Variants in BCAR3 observed in about 807,000 individuals in gnomAD.
BCAR3 encodes BCAR3 adaptor protein, NSP family member.
Under a neutral mutation model 80.1 loss-of-function variants are expected in BCAR3, and 37 were observed. The observed-to-expected ratio is 0.46, with a 90% confidence interval of 0.36 to 0.61. The LOEUF is 0.61. Ranked by LOEUF, BCAR3 falls within the 20% of genes least tolerant of loss-of-function variation. BCAR3 has a pLI of 0.00. For missense variants in BCAR3, 978 were observed against 1,068.2 expected (o/e 0.92, Z 1.18); for synonymous variants, 389 against 418.9 (o/e 0.93, Z 0.87).
rs570280634 is a variant in BCAR3 at position 93,805,972 on chromosome 1, CAAT to C, written c.-63+39592_-63+39594del. Among the ~76,000 whole-genome samples the C allele has an allele frequency of 1.2e-3, 182 of 151,494 alleles. 1 individual carries two copies. Among genetic ancestry groups the C allele is most frequent in the African/African-American group, 4.1e-3 (169 of 41,272 alleles). On this transcript the variant is annotated intron_variant, in intron 2 of 13. Coordinates refer to the BCAR3 transcript ENST00000370244. ...ATTAAAAATATGGTTTCCAAAATAA[CAAT>C]AATAAGGTTAAATAATGAAATTGAA... is the stretch of plus-strand genomic sequence containing the variant.
chr1:93,640,173 T>C (rs1219828138), intron 3 of BCAR3, among the ~76,000 whole-genome samples: 3 of 152,260 alleles, frequency 2.0e-5, no homozygotes, highest in African/African-American at 4.8e-5. Context: ...CCAGCTGGCA[T>C]CAACTTATGA....
In BCAR3 at chr1:93,582,325, C is replaced by A; in HGVS notation, c.1662G>T (p.Gln554His). The A allele has an allele frequency of 3.1e-6, 5 of 1,614,098 alleles. No homozygotes were observed. The highest frequency in any genetic ancestry group is 1.1e-5 in the South Asian group (1 of 91,068). Residue 554 changes from glutamine (Q) to histidine (H), a missense_variant, in exon 7 of 12, where the codon CAG becomes CAT. Transcript: ENST00000260502. ...CCCTGCAGTCCATGCTCAGTACGTG[C>A]TGGGCGATGACCTTGGGGTCGTTGT... ...FTNNDPKVIA[Q>H]HVLSMDCRVA... is the part of the protein sequence containing the mutation.
At chr1:93,751,649 A>T (rs1651561107) in intron 2 of BCAR3, among the ~76,000 whole-genome samples, 1 of 152,160 alleles carries the variant, frequency 6.6e-6, no homozygotes, top group African/African-American at 2.4e-5. Flanking sequence ...TAATTCACAG[A>T]GCAACTCATT....
At chr1:93,567,944 T>G (rs1358447492) in intron 9 of BCAR3, 93 bp from the exon 10 acceptor site, 1 of 1,024,770 alleles carries the variant, frequency 9.8e-7, no homozygotes, top group African/African-American at 1.6e-5. Flanking sequence ...GCCAGCACTT[T>G]GGGAGGCTGA....
intron 6 of BCAR3, among the ~76,000 whole-genome samples, chr1:93,583,407 G>A (rs1673808849): frequency 6.6e-6 from 1 of 152,106 alleles, no homozygotes; most frequent in African/African-American, 2.4e-5. Context: ...GAGACACTGG[G>A]GTAACCTACA....
chr1:93,807,576 C>G (rs1006936051), intron 2 of BCAR3, among the ~76,000 whole-genome samples: 1 of 152,152 alleles, frequency 6.6e-6, no homozygotes, highest in Non-Finnish European at 1.5e-5. Context: ...AGTCCCCCAG[C>G]TAATCTCTCC....
chr1:93,787,156 G>C (rs925072289), intron 2 of BCAR3, among the ~76,000 whole-genome samples: 19 of 152,172 alleles, frequency 1.2e-4, no homozygotes, highest in African/African-American at 4.6e-4. Context: ...TCCGTGTCTT[G>C]TCAGGGGAGG....
In BCAR3 at chr1:93,674,721, C is replaced by T. The variant is rs1648384780; in HGVS notation, c.210G>A (p.Met70Ile). The part of the protein sequence containing the change: ...PIRSCDDFSH[M>I]GTLPHSKSPR... ...GGGATTTGGAGTGGGGGAGGGTGCC[C>T]ATGTGACTGAAGTCATCACAGGACC... is the stretch of plus-strand genomic sequence containing the variant. Residue 70 changes from methionine to isoleucine, a missense_variant, in exon 2 of 12, where the codon ATG (methionine) becomes ATA (isoleucine). Coordinates refer to ENST00000260502, the MANE Select transcript of BCAR3 (RefSeq NM_003567.4). 6.2e-7 allele frequency: 1 copy of T among 1,613,868 alleles called. No homozygotes were observed. Among genetic ancestry groups the T allele is most frequent in the Admixed American group, 1.7e-5 (1 of 59,968 alleles).
intron 3 of BCAR3, among the ~76,000 whole-genome samples, chr1:93,602,982 C>T (rs1365697277): frequency 1.3e-5 from 2 of 152,136 alleles, no homozygotes; most frequent in South Asian, 2.1e-4. Context: ...GGTTTTGTGG[C>T]TTACTTAAAA....
At chr1:93,693,919 GC>G (rs1557656793) in intron 3 of BCAR3, among the ~76,000 whole-genome samples, 2 of 152,212 alleles carry the variant, frequency 1.3e-5, no homozygotes, top group Non-Finnish European at 2.9e-5. Context: ...TCTTGCTTGA[GC>G]CCCTGAGCAC....
At chr1:93,605,365 T>C (rs950637954) in intron 3 of BCAR3, 1 of 152,246 alleles carries the variant, frequency 6.6e-6, no homozygotes, top group African/African-American at 2.4e-5. Flanking sequence ...TTTAACCATG[T>C]CCTCGAGCGA....
chr1:93,699,296 C>T (rs575239868), intron 3 of BCAR3, among the ~76,000 whole-genome samples: 1 of 152,226 alleles, frequency 6.6e-6, no homozygotes, highest in African/African-American at 2.4e-5. Flanking sequence ...GAGAGAAACC[C>T]AAAATAGTGA....
At position 93,569,367 on chromosome 1, in the gene BCAR3, G is replaced by A. The variant is rs190621584; in HGVS notation, c.1975-1516C>T. ...GAAGAGCTCCTGTATCCAAAAGGAA[G>A]GTGAGTAGGCTCAGCACCAGCAGAC... On this transcript the variant is annotated intron_variant, in intron 9 of 11. Coordinates refer to ENST00000260502, the MANE Select transcript of BCAR3 (RefSeq NM_003567.4). Among the ~76,000 whole-genome samples the A allele has an allele frequency of 3.3e-5, 5 of 152,344 alleles. No homozygotes were observed. In the East Asian group the frequency reaches 9.6e-4, roughly 29 times the overall value.
At chr1:93,564,399 C>T (rs1672849315) in intron 11 of BCAR3, among the ~76,000 whole-genome samples, 1 of 151,696 alleles carries the variant, frequency 6.6e-6, no homozygotes, top group African/African-American at 2.4e-5. Flanking sequence ...CTGCCTCAGC[C>T]TCCCGAGTAG....
At chr1:93,583,128 ACAG>A (rs1380526709) in intron 6 of BCAR3, among the ~76,000 whole-genome samples, 175 bp from the exon 7 acceptor site, 1 of 152,192 alleles carries the variant, frequency 6.6e-6, no homozygotes, top group Non-Finnish European at 1.5e-5. Flanking sequence ...CAGGGAGTCT[ACAG>A]CATCGTGAGG....
intron 3 of BCAR3, among the ~76,000 whole-genome samples, chr1:93,631,967 C>T (rs1349569976): frequency 6.6e-6 from 1 of 152,168 alleles, no homozygotes; most frequent in African/African-American, 2.4e-5. Context: ...GTTATCCACG[C>T]AAGCCCCAGG....
At chr1:93,589,500 G>A in intron 4 of BCAR3, 81 bp from the exon 5 acceptor site, 1 of 1,237,484 alleles carries the variant, frequency 8.1e-7, no homozygotes, top group Non-Finnish European at 1.1e-6. Context: ...CCACTTCTCT[G>A]GGCCAACAGA....
rs1425278182 is a variant in BCAR3 at position 93,786,060 on chromosome 1, G to A, written c.-63+59507C>T. On this transcript the variant is annotated intron_variant, in intron 2 of 13. Transcript: ENST00000370244. ...TACAAAAAATTAGCCGGGCGTGGTG[G>A]CGGGCGCCTGTAGTCCCAGCTACTC... Among the ~76,000 whole-genome samples the A allele has an allele frequency of 3.5e-5, 5 of 141,538 alleles. 1 individual carries two copies. Among genetic ancestry groups the A allele is most frequent in the African/African-American group, 5.8e-5 (2 of 34,490 alleles). 92.9% of individuals were successfully genotyped at this position (141,538 alleles called of 152,430 possible). A position where few individuals can be genotyped will look rare whatever the true frequency, so the allele number is the denominator to read the frequency against.
intron 3 of BCAR3, among the ~76,000 whole-genome samples, chr1:93,641,720 G>A (rs950405582): frequency 2.0e-5 from 3 of 152,158 alleles, no homozygotes; most frequent in African/African-American, 7.2e-5. Context: ...CTGAACAAGA[G>A]GGTGGCTGTT....
Sources: gnomAD v4.1 joint callset for allele counts (sites outside exome capture counted in the v4.1 genomes callset) on GRCh38, gnomAD v4.1.1 for gene constraint, MANE v1.5 for transcripts, NCBI Gene and HGNC (gene_info 2026-07-23, HGNC 2026-07-21) for gene names.